ITPR2: variants seen among roughly 807,000 people sequenced by gnomAD.
The protein encoded by ITPR2 is inositol 1,4,5-trisphosphate-gated calcium channel ITPR2.
In ITPR2, 207 loss-of-function variants were observed where a neutral mutation model predicts 317.1. The ratio of observed to expected loss-of-function variants is 0.65; its 90% CI spans 0.58 to 0.73. ITPR2 has a LOEUF of 0.73. Ranked by LOEUF, ITPR2 falls within the 30% of genes least tolerant of loss-of-function variation. The pLI is 0.00. For missense variants in ITPR2, 2,613 were observed against 3,284.0 expected, an observed-to-expected ratio of 0.80 and a Z score of 4.99; for synonymous variants, 1,156 against 1,149.1, an observed-to-expected ratio of 1.01 and a Z score of -0.12.
chr12:26,606,038 T>C (rs1180274545), intron 26 of ITPR2, among the ~76,000 whole-genome samples: 1 of 152,232 alleles, frequency 6.6e-6, no homozygotes, highest in Non-Finnish European at 1.5e-5. Context: ...GTATTCTTCA[T>C]GTCTTATACA....
At chr12:26,631,507 C>T (rs1184526079) in intron 22 of ITPR2, among the ~76,000 whole-genome samples, 1 of 152,094 alleles carries the variant, frequency 6.6e-6, no homozygotes, top group Non-Finnish European at 1.5e-5. Flanking sequence ...AGGAAAAGAG[C>T]TGGAAACTAA....
chr12:26,771,180 T>C (rs1271684199), intron 2 of ITPR2, among the ~76,000 whole-genome samples: 1 of 152,176 alleles, frequency 6.6e-6, no homozygotes, highest in Non-Finnish European at 1.5e-5. Context: ...TAAAAAGACA[T>C]TATACATAAA....
Position 26,602,501 on chromosome 12 carries a change from AAAGG to A in ITPR2, c.3553-10_3553-7del. On this transcript the variant is annotated splice_polypyrimidine_tract_variant and splice_region_variant and intron_variant, in intron 27 of 56. Coordinates refer to ENST00000381340, the MANE Select transcript of ITPR2 (RefSeq NM_002223.4). Reference sequence around the variant, plus strand: ...TTACTTAGCCTGATCAAAATCTTTAAAAGGAAGAGGGAAAGCATCAAATATAATA... The same window carrying A: ...TTACTTAGCCTGATCAAAATCTTTAAAAGAGGGAAAGCATCAAATATAATA... The A allele has an allele frequency of 6.2e-7, 1 of 1,608,136 alleles. No individual in the cohort carries two copies. The highest frequency in any genetic ancestry group is 8.5e-7 in the Non-Finnish European group (1 of 1,177,036).
In ITPR2 at chr12:26,599,188, T is replaced by C; in HGVS notation, c.3959A>G (p.Asp1320Gly). 1 of 1,614,134 alleles carries C rather than the reference T, an allele frequency of 6.2e-7. No individual in the cohort carries two copies. The highest frequency in any genetic ancestry group is 8.5e-7 in the Non-Finnish European group (1 of 1,179,958). The change falls in exon 30 of 57, where the codon GAT becomes GGT. Residue 1320 changes from aspartate to glycine, a missense_variant. Asp to Gly is a moderately conservative substitution (Grantham distance 94). Around this residue, in one of 9 missense-constraint regions of ITPR2, gnomAD observed 817 missense variants for 897.6 expected, o/e 0.91. Transcript: ENST00000381340. ...CTGGCATTTCTTCACATATTTACCA[T>C]CTGCTTTTACAATTGTTTGCAAAAA... Reference protein sequence around the residue: ...LRFLQTIVKADGKYVKKCQDM... With the variant: ...LRFLQTIVKAGGKYVKKCQDM...
chr12:26,612,087 C>A (rs1488129909), intron 26 of ITPR2, among the ~76,000 whole-genome samples: 3 of 152,134 alleles, frequency 2.0e-5, no homozygotes, highest in African/African-American at 7.2e-5. Context: ...TATAAGAGAT[C>A]AAGTATGGTA....
intron 34 of ITPR2, 37 bp from the exon 35 acceptor site, chr12:26,561,989 T>G (rs1326637262): frequency 7.2e-7 from 1 of 1,396,806 alleles, no homozygotes. Context: ...CCCTCTTAAT[T>G]TGACTAAAGT....
At chr12:26,713,973 T>A (rs1948694859) in intron 8 of ITPR2, among the ~76,000 whole-genome samples, 1 of 152,222 alleles carries the variant, frequency 6.6e-6, no homozygotes, top group African/African-American at 2.4e-5. Context: ...CCAGAGCTTC[T>A]CAGTTCCATC....
At chr12:26,532,474 A>C (rs1943968984) in intron 37 of ITPR2, among the ~76,000 whole-genome samples, 1 of 152,038 alleles carries the variant, frequency 6.6e-6, no homozygotes, top group African/African-American at 2.4e-5. Context: ...TCAATCTCCC[A>C]GGCTCAAGCA....
chr12:26,428,093 A>G lies in ITPR2; in HGVS notation c.6770-5T>C, dbSNP rs377145339. On this transcript the variant is annotated splice_region_variant and splice_polypyrimidine_tract_variant and intron_variant, in intron 48 of 56. Transcript: ENST00000381340. ...AGAACAATGGAGAAAGTGTACCTGT[A>G]AAATGTGGAAGAAATTTATTGCTAC... 1.2e-5 allele frequency: 19 copies of G among 1,579,262 alleles called. No individual in the cohort carries two copies. Among genetic ancestry groups the G allele is most frequent in the African/African-American group, 2.8e-5 (2 of 72,668 alleles).
At chr12:26,683,714 C>A (rs1009934302) in intron 11 of ITPR2, among the ~76,000 whole-genome samples, 1 of 152,136 alleles carries the variant, frequency 6.6e-6, no homozygotes, top group South Asian at 2.1e-4. Context: ...ATTCCATGTA[C>A]CATGAATTTT....
At chr12:26,350,688 T>C (rs2136558557) in intron 55 of ITPR2, among the ~76,000 whole-genome samples, 1 of 152,062 alleles carries the variant, frequency 6.6e-6, no homozygotes, top group Admixed American at 6.6e-5. Context: ...GGACTATGAA[T>C]AGAGACCACA....
At chr12:26,728,181 C>T (rs373366251) in intron 2 of ITPR2, among the ~76,000 whole-genome samples, 20 of 152,202 alleles carry the variant, frequency 1.3e-4, no homozygotes, top group Admixed American at 5.2e-4. Flanking sequence ...AGGCCATCCC[C>T]GAAACCCGCT....
chr12:26,739,568 A>C (rs1296253574), intron 2 of ITPR2, among the ~76,000 whole-genome samples: 3 of 152,230 alleles, frequency 2.0e-5, no homozygotes, highest in South Asian at 2.1e-4. Flanking sequence ...TACACACCAC[A>C]TGAGGCCATT....
At position 26,491,647 on chromosome 12, in the gene ITPR2, AAAATAATAG is replaced by A. The variant is rs1294185507; in HGVS notation, c.5370+2497_5370+2505del. On this transcript the variant is annotated intron_variant, in intron 39 of 56. Transcript: ENST00000381340. ...GTGAGAGCTGGAAAAGCAGGAATTG[AAAATAATAG>A]AGTATGGATATGAGGGATATTAAGG... is the stretch of plus-strand genomic sequence containing the variant. 6.6e-5 allele frequency among the ~76,000 whole-genome samples: 10 copies of A among 152,002 alleles called. 1 individual carries two copies. In the East Asian group the frequency reaches 1.9e-3, roughly 29 times the overall value.
chr12:26,348,900 G>A (rs755097932), intron 55 of ITPR2, among the ~76,000 whole-genome samples: 1 of 150,352 alleles, frequency 6.7e-6, no homozygotes, highest in Non-Finnish European at 1.5e-5. Context: ...AGACCTCATC[G>A]CTACTAAAAA....
At chr12:26,711,136 G>T in intron 9 of ITPR2, 37 bp downstream of exon 9, 1 of 1,429,052 alleles carries the variant, frequency 7.0e-7, no homozygotes, top group Non-Finnish European at 9.9e-7. Flanking sequence ...CTAATTCAGA[G>T]TCAGAAACTT....
chr12:26,789,577 G>A (rs957554365), intron 2 of ITPR2, among the ~76,000 whole-genome samples: 1 of 152,148 alleles, frequency 6.6e-6, no homozygotes, highest in Admixed American at 6.5e-5. Flanking sequence ...TTAGCTTTCT[G>A]TGATTCTCTA....
chr12:26,595,392 T>G, intron 32 of ITPR2, 73 bp downstream of exon 32: 2 of 1,425,900 alleles, frequency 1.4e-6, no homozygotes, highest in South Asian at 2.6e-5. Context: ...AACTGCAAGT[T>G]TTCATCCAGA....
intron 48 of ITPR2, among the ~76,000 whole-genome samples, chr12:26,429,327 G>A (rs963659183): frequency 6.6e-6 from 1 of 152,184 alleles, no homozygotes; most frequent in East Asian, 1.9e-4. Context: ...GAAGACAGAT[G>A]TGATATTCTC....
Sources: allele counts gnomAD v4.1 joint callset (sites outside exome capture counted in the v4.1 genomes callset), GRCh38; gene constraint gnomAD v4.1.1; regional missense constraint gnomAD v4.1.1; transcripts MANE v1.5; gene names NCBI Gene and HGNC (gene_info 2026-07-23, HGNC 2026-07-21).